LINC00237: variants seen among roughly 807,000 people sequenced by gnomAD.
LINC00237 encodes the protein long intergenic non-protein coding RNA 237.
At chr20:21,100,143 C>A (rs993665763) in intron 1 of LINC00237, among the ~76,000 whole-genome samples, 1 of 151,998 alleles carries the variant, frequency 6.6e-6, no homozygotes, top group African/African-American at 2.4e-5. Flanking sequence ...AATAAGCAGG[C>A]GGTAGTAGCA....
chr20:21,087,570 A>T (rs1015470193), intron 3 of LINC00237: 12 of 152,118 alleles, frequency 7.9e-5, no homozygotes, highest in African/African-American at 2.9e-4. Context: ...CCATTTCCCC[A>T]TGACCTTGCC....
At chr20:21,088,381 G>A (rs907368133) in intron 2 of LINC00237, among the ~76,000 whole-genome samples, 1 of 152,138 alleles carries the variant, frequency 6.6e-6, no homozygotes, top group African/African-American at 2.4e-5. Context: ...TTGAACCAAA[G>A]CTATGCTGAG....
intron 1 of LINC00237, among the ~76,000 whole-genome samples, chr20:21,100,778 G>A (rs917762585): frequency 6.6e-6 from 1 of 152,104 alleles, no homozygotes; most frequent in South Asian, 2.1e-4. Flanking sequence ...CTTAAACGCC[G>A]GGCGGTTTCT....
intron 2 of LINC00237, among the ~76,000 whole-genome samples, chr20:21,088,201 A>C (rs986003609): frequency 3.3e-5 from 5 of 152,126 alleles, no homozygotes; most frequent in African/African-American, 1.2e-4. Flanking sequence ...CGCAGTCACT[A>C]TAGGACCGTG....
At chr20:21,086,656 T>TATA (rs1568883441) in intron 3 of LINC00237, among the ~76,000 whole-genome samples, 4 of 112,230 alleles carry the variant, frequency 3.6e-5, no homozygotes, top group African/African-American at 6.5e-5. Flanking sequence ...ATACTATATA[T>TATA]GTATAGTATA....
intron 1 of LINC00237, among the ~76,000 whole-genome samples, chr20:21,105,411 C>T (rs1206064050): frequency 6.6e-6 from 1 of 152,136 alleles, no homozygotes; most frequent in Non-Finnish European, 1.5e-5. Flanking sequence ...GGCGACTCTC[C>T]CTGTGTCCCG....
chr20:21,102,170 G>A (rs1240259835), intron 1 of LINC00237, among the ~76,000 whole-genome samples: 1 of 152,238 alleles, frequency 6.6e-6, no homozygotes, highest in Non-Finnish European at 1.5e-5. Flanking sequence ...GCCGAGGAGC[G>A]GCGCGGCTCC....
At chr20:21,093,604 C>A (rs1377272907) in exon 2 of LINC00237, 3 of 152,246 alleles carry the variant, frequency 2.0e-5, no homozygotes, top group African/African-American at 7.2e-5. Flanking sequence ...TGGAAACCTG[C>A]ACAAACATGT....
At chr20:21,105,095 C>G (rs553821670) in intron 1 of LINC00237, among the ~76,000 whole-genome samples, 1 of 152,310 alleles carries the variant, frequency 6.6e-6, no homozygotes, top group South Asian at 2.1e-4. Flanking sequence ...GCCGTTCTGG[C>G]GCTCTGCAGG....
Position 21,092,636 on chromosome 20 carries a change from T to G in LINC00237, n.472+833A>C, listed in dbSNP as rs189816977. Among the ~76,000 whole-genome samples, 778 of 152,306 alleles carry G rather than the reference T, an allele frequency of 5.1e-3. 3 individuals are homozygous for G. Among genetic ancestry groups the G allele is most frequent in the Non-Finnish European group, 7.7e-3 (522 of 68,018 alleles). ...TCAAATTGGCACCAAAAGATTCTTT[T>G]CAATTAACAGAATGGCCAGTCTTCC... On this transcript the variant is annotated intron_variant and non_coding_transcript_variant, in intron 2 of 3. Transcript: ENST00000691244.
intron 1 of LINC00237, among the ~76,000 whole-genome samples, chr20:21,096,506 C>T (rs1024032106): frequency 6.6e-6 from 1 of 152,182 alleles, no homozygotes; most frequent in Non-Finnish European, 1.5e-5. Flanking sequence ...GCTGGTCAGC[C>T]GTGTGCCCAG....
At chr20:21,094,016 A>T (rs1452987192) in intron 1 of LINC00237, among the ~76,000 whole-genome samples, 1 of 152,198 alleles carries the variant, frequency 6.6e-6, no homozygotes. Context: ...CATGATGGGG[A>T]TGGAGGAGAG....
At chr20:21,085,821 A>C (rs922113918) in exon 4 of LINC00237, among the ~76,000 whole-genome samples, 1 of 151,480 alleles carries the variant, frequency 6.6e-6, no homozygotes, top group Non-Finnish European at 1.5e-5. Flanking sequence ...TATCATTATG[A>C]AAACTCTGAA....
chr20:21,101,326 G>A lies in LINC00237; in HGVS notation n.88+4945C>T, dbSNP rs1295200739. 1 of 152,268 alleles carries A rather than the reference G, an allele frequency of 6.6e-6. No individual in the cohort carries two copies. Among genetic ancestry groups the A allele is most frequent in the African/African-American group, 2.4e-5 (1 of 41,544 alleles). The allele number at this position is 152,268 out of a possible 1,614,324, so 9.4% of individuals were successfully genotyped here. A position where few individuals can be genotyped will look rare whatever the true frequency, so the allele number is the denominator to read the frequency against. On this transcript the variant is annotated intron_variant and non_coding_transcript_variant, in intron 1 of 3. Transcript: ENST00000691244. The surrounding 1 kb of genome is among the most constrained non-coding windows in gnomAD (Gnocchi z 4.3). ...GGGCCGACATCGAGAGGCAATCGGG[G>A]TGGGGGCAGAAATAGGGGCTGACCC...
intron 2 of LINC00237, among the ~76,000 whole-genome samples, chr20:21,092,253 C>A (rs945280286): frequency 1.3e-5 from 2 of 152,032 alleles, no homozygotes; most frequent in South Asian, 4.2e-4. Context: ...TACTATTGCA[C>A]GAGAAGCTTG....
At chr20:21,094,875 C>T (rs2030836465) in intron 1 of LINC00237, among the ~76,000 whole-genome samples, 1 of 152,156 alleles carries the variant, frequency 6.6e-6, no homozygotes, top group African/African-American at 2.4e-5. Context: ...TGTGGCAAAA[C>T]CCCATCTGTA....
At chr20:21,096,018 T>G (rs988657117) in intron 1 of LINC00237, among the ~76,000 whole-genome samples, 11 of 152,216 alleles carry the variant, frequency 7.2e-5, no homozygotes, top group African/African-American at 2.4e-4. Context: ...ATAATACACC[T>G]TGATGGTTGC....
chr20:21,092,464 A>T (rs963512033), intron 2 of LINC00237, among the ~76,000 whole-genome samples: 5 of 152,230 alleles, frequency 3.3e-5, no homozygotes, highest in African/African-American at 1.2e-4. Context: ...GGCGGTAGGC[A>T]CTTTGAGGTT....
At chr20:21,091,056 T>C (rs2030785858) in intron 2 of LINC00237, among the ~76,000 whole-genome samples, 2 of 150,258 alleles carry the variant, frequency 1.3e-5, no homozygotes, top group South Asian at 4.2e-4. Context: ...CGTGTGTGTG[T>C]GTGCGTGTGT....
Sources: gnomAD v4.1 joint callset for allele counts (sites outside exome capture counted in the v4.1 genomes callset) on GRCh38, gnomAD v4.1.1 for gene constraint, Gnocchi (gnomAD v3.1) non-coding constraint, MANE v1.5 for transcripts, NCBI Gene and HGNC (gene_info 2026-07-23, HGNC 2026-07-21) for gene names.